Variants in ERI2 observed in about 807,000 individuals in gnomAD.
ERI2 encodes the protein ERI1 exoribonuclease family member 2, also known as ERI1 exoribonuclease 2.
ERI2 carries 35 observed loss-of-function variants against 46.8 expected under a neutral mutation model. That is an observed-to-expected ratio of 0.75 (90% confidence interval 0.57 to 0.99). The LOEUF is 0.99. Ranked by LOEUF, ERI2 falls within the 50% of genes least tolerant of loss-of-function variation. The probability of loss-of-function intolerance (pLI) is 0.00; values close to 1 mark genes in which losing one functional copy is unlikely to be tolerated. For synonymous variants in ERI2, 224 were observed against 271.0 expected (o/e 0.83, Z 1.70); for missense variants, 695 against 796.2 (o/e 0.87, Z 1.53).
At chr16:20,795,906 G>A (rs2080713350), downstream of ERI2, among the ~76,000 whole-genome samples, 3 of 152,344 alleles carry the variant, frequency 2.0e-5, no homozygotes, top group Admixed American at 2.0e-4. Flanking sequence ...ATTTGGAGAA[G>A]AGGATTTGTA....
At chr16:20,783,615 A>T (rs1161904278) in intron 10 of ERI2, 2 of 152,190 alleles carry the variant, frequency 1.3e-5, no homozygotes, top group Non-Finnish European at 2.9e-5. Context: ...AACTGATGTT[A>T]TTTAATTATC....
chr16:20,786,202 G>A, intron 10 of ERI2: 1 of 1,597,510 alleles, frequency 6.3e-7, no homozygotes, highest in South Asian at 1.1e-5. Flanking sequence ...AACCCAATCT[G>A]TACACTACCT....
At chr16:20,795,200 T>G (rs1223392097), downstream of ERI2, among the ~76,000 whole-genome samples, 1 of 152,204 alleles carries the variant, frequency 6.6e-6, no homozygotes, top group East Asian at 1.9e-4. Flanking sequence ...TTGTTTTTTT[T>G]CTTAGAGACA....
chr16:20,803,647 T>C lies in ERI2; in HGVS notation c.47A>G (p.Lys16Arg). ...ATTTCCATTTGCTGGCGCAATTGACTTTCTCCTAATTAATCCAAGCTGCCT... is the reference window on the plus strand; with the variant it reads ...ATTTCCATTTGCTGGCGCAATTGACCTTCTCCTAATTAATCCAAGCTGCCT... Reference protein sequence around the residue: ...LARQLGLIRRKSIAPANGNLG... With the variant: ...LARQLGLIRRRSIAPANGNLG... The change falls in exon 2 of 9, where the codon AAG (lysine) becomes AGG (arginine). Residue 16 changes from lysine to arginine, a missense_variant. By Grantham distance (26) the Lys-to-Arg change is conservative. Transcript: ENST00000357967. 1 of 1,614,062 alleles carries C rather than the reference T, an allele frequency of 6.2e-7. No homozygotes were observed. Among genetic ancestry groups the C allele is most frequent in the Non-Finnish European group, 8.5e-7 (1 of 1,179,982 alleles).
At position 20,788,528 on chromosome 16, in the gene ERI2, T is replaced by C. The variant is rs376497586; in HGVS notation, c.894+951A>G. On this transcript the variant is annotated intron_variant, in intron 10 of 10. Coordinates refer to the ERI2 transcript ENST00000300005. Reference sequence around the variant, plus strand: ...TTTAACTCTTTTCCACGGGCCGTTATTATGGGGCTTCTTGTTCCTTAGCTA... The same window carrying C: ...TTTAACTCTTTTCCACGGGCCGTTACTATGGGGCTTCTTGTTCCTTAGCTA... Among the ~76,000 whole-genome samples the C allele has an allele frequency of 9.1e-4, 139 of 152,364 alleles. 4 individuals are homozygous for C. In the South Asian group the frequency reaches 0.028, roughly 31 times the overall value.
At chr16:20,799,854 A>C in intron 7 of ERI2, 103 bp downstream of exon 7, 1 of 626,530 alleles carries the variant, frequency 1.6e-6, no homozygotes. Flanking sequence ...TTTTTTTTTT[A>C]GGCTGAAGAT....
intron 4 of ERI2, among the ~76,000 whole-genome samples, chr16:20,801,806 T>A (rs895932424): frequency 6.6e-6 from 1 of 151,982 alleles, no homozygotes; most frequent in African/African-American, 2.4e-5. Context: ...TTGCCCAGGG[T>A]GGAGTGCAGT....
At position 20,798,102 on chromosome 16, in the gene ERI2, T is replaced by G. The variant is rs1391882133; in HGVS notation, c.1698A>C (p.Arg566Ser). ...KPTSSDCSPV[R>S]SSSWRRLPSI... ...ATGGGAGACGCCTCCAGGAAGAACTTCTTACTGGGGAGCAATCAGATGATG... is the reference window on the plus strand; with the variant it reads ...ATGGGAGACGCCTCCAGGAAGAACTGCTTACTGGGGAGCAATCAGATGATG... The change falls in exon 9 of 9, where the codon AGA becomes AGC. Residue 566 changes from arginine to serine, a missense_variant. Physicochemically the swap from Arg to Ser is moderately radical, Grantham distance 110 (BLOSUM62 -1). Coordinates refer to ENST00000357967, the MANE Select transcript of ERI2 (RefSeq NM_001142725.2). The G allele has an allele frequency of 6.4e-7, 1 of 1,551,462 alleles. No individual in the cohort carries two copies. Among genetic ancestry groups the G allele is most frequent in the Non-Finnish European group, 8.7e-7 (1 of 1,146,838 alleles).
In ERI2 at chr16:20,799,339, G is replaced by C. The variant is rs1596549456; in HGVS notation, c.656C>G (p.Ser219Cys). 6.2e-7 allele frequency: 1 copy of C among 1,613,588 alleles called. No individual in the cohort carries two copies. Among genetic ancestry groups the C allele is most frequent in the Non-Finnish European group, 8.5e-7 (1 of 1,179,640 alleles). Residue 219 changes from serine (S) to cysteine (C), a missense_variant, in exon 8 of 9, where the codon TCT (serine) becomes TGT (cysteine). Coordinates refer to ENST00000357967, the MANE Select transcript of ERI2 (RefSeq NM_001142725.2). ...SGREHSGLDD[S>C]RNTALLAWKM... ...CCAAGCAAGAAGGGCAGTATTCCGA[G>C]AATCGTCCAACCCTGAGGATACAGA... is the stretch of plus-strand genomic sequence containing the variant.
At chr16:20,801,792 T>A (rs1309666482) in intron 4 of ERI2, among the ~76,000 whole-genome samples, 1 of 152,058 alleles carries the variant, frequency 6.6e-6, no homozygotes, top group Non-Finnish European at 1.5e-5. Context: ...GAGGTCTTGC[T>A]TTGTTGCCCA....
intron 10 of ERI2, chr16:20,780,774 C>A: frequency 1.2e-6 from 2 of 1,614,212 alleles, no homozygotes; most frequent in South Asian, 1.1e-5. Context: ...TGGCCATATT[C>A]TTTACCAGTG....
chr16:20,803,115 A>T (rs2080813510), intron 3 of ERI2, among the ~76,000 whole-genome samples, 192 bp from the exon 4 acceptor site: 1 of 152,270 alleles, frequency 6.6e-6, no homozygotes, highest in Non-Finnish European at 1.5e-5. Flanking sequence ...TGAAGTTATG[A>T]GCATGTTGTC....
chr16:20,797,714 T>G lies in ERI2; in HGVS notation c.*10A>C. 1 of 1,531,650 alleles carries G rather than the reference T, an allele frequency of 6.5e-7. No individual in the cohort carries two copies. Among genetic ancestry groups the G allele is most frequent in the Non-Finnish European group, 8.8e-7 (1 of 1,139,154 alleles). The allele number at this position is 1,531,650 out of a possible 1,614,324, so 94.9% of individuals were successfully genotyped here. On this transcript the variant is annotated 3_prime_UTR_variant, in exon 9 of 9. Transcript: ENST00000357967. The stretch of plus-strand genomic sequence containing the variant: ...TCAAGGAACAATTAGGATTCATACA[T>G]GAAAGGTTATCAATTCCTCATTGAA...
At chr16:20,785,267 G>C (rs1461091920) in intron 10 of ERI2, among the ~76,000 whole-genome samples, 1 of 152,146 alleles carries the variant, frequency 6.6e-6, no homozygotes, top group Non-Finnish European at 1.5e-5. Flanking sequence ...TTGCAAAAAA[G>C]CTCTGTTAAC....
rs2080469757 is a variant in ERI2, at chr16:20,786,126, A to G, written c.894+3353T>C. 3 of 1,606,106 alleles carry G rather than the reference A, an allele frequency of 1.9e-6. No homozygotes were observed. Among genetic ancestry groups the G allele is most frequent in the Non-Finnish European group, 2.5e-6 (3 of 1,177,024 alleles). On this transcript the variant is annotated intron_variant, in intron 10 of 10. Transcript: ENST00000300005. ...GGGAATGAAAATTAAACCTGGCTCA[A>G]TGGGAAAACCTTCTCCTGCTTTCGA...
In ERI2 at chr16:20,796,779, A is replaced by C. The variant is rs2080731623; in HGVS notation, c.*945T>G. On this transcript the variant is annotated 3_prime_UTR_variant, in exon 9 of 9. Transcript: ENST00000357967. ...CTGTTACCCAAAACCCATTCCAAAGACTATTCTAATTCTTCCACCTAGAAT... is the reference window on the plus strand; with the variant it reads ...CTGTTACCCAAAACCCATTCCAAAGCCTATTCTAATTCTTCCACCTAGAAT... 1.3e-6 allele frequency: 2 copies of C among 1,547,780 alleles called. No individual in the cohort carries two copies. Among genetic ancestry groups the C allele is most frequent in the South Asian group, 2.5e-5 (2 of 79,980 alleles).
chr16:20,785,381 AAAGAAAG>A (rs769605305), intron 10 of ERI2, among the ~76,000 whole-genome samples: 27 of 152,200 alleles, frequency 1.8e-4, no homozygotes, highest in Middle Eastern at 3.2e-3. Flanking sequence ...GGATCTACTG[AAAGAAAG>A]AATTCCTCCC....
At chr16:20,785,049 A>G in intron 10 of ERI2, 1 of 1,613,424 alleles carries the variant, frequency 6.2e-7, no homozygotes, top group Non-Finnish European at 8.5e-7. Flanking sequence ...GACGTGACTG[A>G]AAAATGGAGA....
intron 9 of ERI2, chr16:20,789,684 CTTT>C (rs561663756): frequency 0.01 from 4,513 of 437,852 alleles, no homozygotes; most frequent in East Asian, 0.013. Flanking sequence ...CTCTATTTTT[CTTT>C]TTTTTTTTTT....
Sources: allele counts gnomAD v4.1 joint callset (sites outside exome capture counted in the v4.1 genomes callset), GRCh38; gene constraint gnomAD v4.1.1; transcripts MANE v1.5; gene names NCBI Gene and HGNC (gene_info 2026-07-23, HGNC 2026-07-21).